The following ENOX1 variants were observed in gnomAD, a reference collection of about 807,000 sequenced individuals.
ENOX1 encodes ecto-NOX disulfide-thiol exchanger 1, also known as candidate growth-related and time keeping constitutive hydroquinone (NADH) oxidase.
ENOX1 carries 42 observed loss-of-function variants against 82.5 expected under a neutral mutation model. The ratio of observed to expected loss-of-function variants is 0.51; its 90% CI spans 0.40 to 0.66. The LOEUF (loss-of-function observed/expected upper bound fraction) is 0.66. Ranked by LOEUF, ENOX1 falls within the 30% of genes least tolerant of loss-of-function variation. The pLI, the probability that ENOX1 is intolerant of heterozygous loss-of-function variation, is 0.00. For missense variants in ENOX1, 608 were observed against 811.6 expected, an observed-to-expected ratio of 0.75 and a Z score of 3.05; for synonymous variants, 271 against 282.2, an observed-to-expected ratio of 0.96 and a Z score of 0.40.
intron 2 of ENOX1, among the ~76,000 whole-genome samples, chr13:43,624,308 A>G (rs1250475099): frequency 6.6e-6 from 1 of 152,116 alleles, no homozygotes; most frequent in Non-Finnish European, 1.5e-5. Context: ...TTCTTTATAT[A>G]TTCTAGGGTA....
chr13:43,661,919 G>C (rs1401498404), intron 2 of ENOX1, among the ~76,000 whole-genome samples: 1 of 152,148 alleles, frequency 6.6e-6, no homozygotes, highest in Non-Finnish European at 1.5e-5. Context: ...CATTATCTTA[G>C]AAGCCAAATG....
At chr13:43,413,578 G>A (rs189960380) in intron 3 of ENOX1, among the ~76,000 whole-genome samples, 54 of 151,848 alleles carry the variant, frequency 3.6e-4, no homozygotes, top group African/African-American at 1.2e-3. Flanking sequence ...GATCTAGAGG[G>A]TGTTAGGGAG....
At chr13:43,688,898 C>G (rs961169315) in intron 1 of ENOX1, among the ~76,000 whole-genome samples, 3 of 152,082 alleles carry the variant, frequency 2.0e-5, no homozygotes, top group African/African-American at 7.2e-5. Flanking sequence ...AAGATCTGGG[C>G]TCTAGGTAAG....
chr13:43,695,685 T>A (rs2153806363), intron 1 of ENOX1, among the ~76,000 whole-genome samples: 1 of 152,250 alleles, frequency 6.6e-6, no homozygotes, highest in South Asian at 2.1e-4. Context: ...TGACCTCAGA[T>A]GATCGGCCCG....
chr13:43,515,575 T>A (rs934100419), intron 2 of ENOX1, among the ~76,000 whole-genome samples: 2 of 152,174 alleles, frequency 1.3e-5, no homozygotes, highest in African/African-American at 4.8e-5. Context: ...AGTATTACAA[T>A]ACTCATGTTA....
At chr13:43,660,176 G>T (rs1171105244) in intron 2 of ENOX1, among the ~76,000 whole-genome samples, 1 of 152,130 alleles carries the variant, frequency 6.6e-6, no homozygotes, top group Non-Finnish European at 1.5e-5. Context: ...TCCTCTGCTA[G>T]ATTAAAATTT....
chr13:43,443,560 T>C (rs1200010619), intron 3 of ENOX1, among the ~76,000 whole-genome samples: 3 of 152,182 alleles, frequency 2.0e-5, no homozygotes, highest in Non-Finnish European at 2.9e-5. Flanking sequence ...TCAGGCACCA[T>C]CCACTGTCCC....
rs1436014662 is a variant in ENOX1, at chr13:43,528,101, T to G, written c.-218-43949A>C. On this transcript the variant is annotated intron_variant, in intron 2 of 16. Transcript: ENST00000690772. The stretch of plus-strand genomic sequence containing the variant: ...AGAAAAGACTCAATTCAGTCTTTTC[T>G]GTTGATCATATGAGTGTGTTTCCTT... Among the ~76,000 whole-genome samples, 8 of 152,154 alleles carry G rather than the reference T, an allele frequency of 5.3e-5. 1 individual carries two copies. Among genetic ancestry groups the G allele is most frequent in the Admixed American group, 5.2e-4 (8 of 15,246 alleles).
intron 11 of ENOX1, among the ~76,000 whole-genome samples, chr13:43,310,702 TAAGA>T (rs2047151039): frequency 6.6e-6 from 1 of 152,000 alleles, no homozygotes; most frequent in African/African-American, 2.4e-5. Context: ...TTTCAATTAC[TAAGA>T]AAGAAAGAAA....
chr13:43,553,906 G>A (rs776403055), intron 2 of ENOX1, among the ~76,000 whole-genome samples: 2 of 152,008 alleles, frequency 1.3e-5, no homozygotes, highest in Admixed American at 6.6e-5. Flanking sequence ...TTGTCACCAC[G>A]CCCAGCTAAT....
chr13:43,503,041 T>C (rs2077037177), intron 2 of ENOX1, among the ~76,000 whole-genome samples: 1 of 151,592 alleles, frequency 6.6e-6, no homozygotes, highest in Non-Finnish European at 1.5e-5. Context: ...AAAATCAACA[T>C]ATAAAAATTA....
At chr13:43,517,263 G>A (rs1224483845) in intron 2 of ENOX1, among the ~76,000 whole-genome samples, 1 of 152,074 alleles carries the variant, frequency 6.6e-6, no homozygotes, top group East Asian at 1.9e-4. Flanking sequence ...TTGGGAGGCC[G>A]AGGCGGGTGG....
At chr13:43,600,484 C>A (rs1433072608) in intron 2 of ENOX1, among the ~76,000 whole-genome samples, 15 of 152,160 alleles carry the variant, frequency 9.9e-5, no homozygotes, top group Admixed American at 9.8e-4. Context: ...GAGGACTTTC[C>A]CTTGTGGCTT....
At chr13:43,672,550 G>A (rs1482023981) in intron 1 of ENOX1, among the ~76,000 whole-genome samples, 2 of 151,948 alleles carry the variant, frequency 1.3e-5, no homozygotes, top group Admixed American at 6.6e-5. Flanking sequence ...TCTTTAAGAG[G>A]GGCATCAGCC....
intron 2 of ENOX1, among the ~76,000 whole-genome samples, chr13:43,661,000 C>A (rs192547559): frequency 6.6e-6 from 1 of 152,202 alleles, no homozygotes; most frequent in Admixed American, 6.5e-5. Flanking sequence ...TTTTAAAATA[C>A]CAGCTTAGTT....
Position 43,542,431 on chromosome 13 carries a change from CTTTTTTTTTT to C in ENOX1, c.-218-58289_-218-58280del, listed in dbSNP as rs775618771. On this transcript the variant is annotated intron_variant, in intron 2 of 16. Coordinates refer to ENST00000690772, the MANE Select transcript of ENOX1 (RefSeq NM_001347969.2). Reference sequence around the variant, plus strand: ...ATAGGCTTAAGCCACTGTGCCCGGCCTTTTTTTTTTTTTTTTTTTCTAATGAGACAGTCTC... The same window carrying C: ...ATAGGCTTAAGCCACTGTGCCCGGCCTTTTTTTTTCTAATGAGACAGTCTC... Among the ~76,000 whole-genome samples, 15 of 117,910 alleles carry C rather than the reference CTTTTTTTTTT, an allele frequency of 1.3e-4. No homozygotes were observed. The South Asian group carries it at 3.7e-3, about 29-fold the overall frequency. 77.4% of individuals were successfully genotyped at this position (117,910 alleles called of 152,430 possible).
rs578253763 is a variant in ENOX1, at chr13:43,251,449, G to A, written c.1611+13949C>T. ...TATCTACCTGCATAGGCTCATTACT[G>A]TGTTAGGTTCTGCAAGGAATACATA... is the stretch of plus-strand genomic sequence containing the variant. On this transcript the variant is annotated intron_variant, in intron 14 of 16. Transcript: ENST00000690772. 2.6e-5 allele frequency among the ~76,000 whole-genome samples: 4 copies of A among 152,304 alleles called. No individual in the cohort carries two copies. The East Asian group carries it at 7.7e-4, about 29-fold the overall frequency.
chr13:43,435,470 C>G (rs1386272566), intron 3 of ENOX1, among the ~76,000 whole-genome samples: 1 of 152,172 alleles, frequency 6.6e-6, no homozygotes, highest in Non-Finnish European at 1.5e-5. Flanking sequence ...TCCTCTCTGC[C>G]CAGTTACTGA....
chr13:43,740,299 G>A (rs1308645652), intron 1 of ENOX1, among the ~76,000 whole-genome samples: 1 of 152,034 alleles, frequency 6.6e-6, no homozygotes, highest in African/African-American at 2.4e-5. Context: ...TGAAAGAGAA[G>A]GGAAACCATT....
Sources: allele counts gnomAD v4.1 joint callset (sites outside exome capture counted in the v4.1 genomes callset), GRCh38; gene constraint gnomAD v4.1.1; transcripts MANE v1.5; gene names NCBI Gene and HGNC (gene_info 2026-07-23, HGNC 2026-07-21).